The following STK10 variants were observed in gnomAD, a reference collection of about 807,000 sequenced individuals.
STK10 encodes serine/threonine kinase 10.
Under a neutral mutation model 113.8 loss-of-function variants are expected in STK10, and 78 were observed. The observed-to-expected ratio is 0.69, with a 90% CI of 0.57 to 0.83. The LOEUF (loss-of-function observed/expected upper bound fraction) is 0.83, where lower values mean the gene tolerates loss of function less well. Ranked by LOEUF, STK10 falls within the 40% of genes least tolerant of loss-of-function variation. The probability of loss-of-function intolerance (pLI) is 0.00; values close to 1 mark genes in which losing one functional copy is unlikely to be tolerated. For missense variants in STK10, 1,109 were observed against 1,280.1 expected (o/e 0.87, Z 2.04); for synonymous variants, 465 against 494.7 (o/e 0.94, Z 0.80).
chr5:172,077,184 A>ACTC (rs1768327779), intron 12 of STK10, among the ~76,000 whole-genome samples: 1 of 152,230 alleles, frequency 6.6e-6, no homozygotes, highest in African/African-American at 2.4e-5. Context: ...TCTTCAGAAA[A>ACTC]GTTACTGAAC....
chr5:172,070,082 T>C (rs773382400), intron 12 of STK10, among the ~76,000 whole-genome samples: 2 of 152,018 alleles, frequency 1.3e-5, no homozygotes, highest in Non-Finnish European at 2.9e-5. Context: ...ACCCTGTCTC[T>C]ACTAAAAATA....
chr5:172,164,730 G>A (rs928895328), intron 1 of STK10, among the ~76,000 whole-genome samples: 3 of 152,174 alleles, frequency 2.0e-5, no homozygotes, highest in African/African-American at 7.2e-5. Flanking sequence ...GGTGAGTCTT[G>A]GAAAGCTAAG....
chr5:172,058,749 G>A (rs2113699005), intron 14 of STK10, among the ~76,000 whole-genome samples: 1 of 152,182 alleles, frequency 6.6e-6, no homozygotes, highest in African/African-American at 2.4e-5. Flanking sequence ...AATCAGCTGG[G>A]TGTGGTGGTG....
chr5:172,058,875 G>A (rs535316351), intron 14 of STK10, among the ~76,000 whole-genome samples: 1 of 152,130 alleles, frequency 6.6e-6, no homozygotes, highest in Admixed American at 6.6e-5. Context: ...GAGTGACAGA[G>A]TAAGACTTGG....
At chr5:172,128,799 C>T (rs898384051) in intron 2 of STK10, among the ~76,000 whole-genome samples, 4 of 152,190 alleles carry the variant, frequency 2.6e-5, no homozygotes, top group Non-Finnish European at 4.4e-5. Flanking sequence ...GTCAAGAAGA[C>T]CCACGCTGTC....
chr5:172,129,066 G>T (rs1202740773), intron 2 of STK10, among the ~76,000 whole-genome samples: 1 of 152,230 alleles, frequency 6.6e-6, no homozygotes, highest in Non-Finnish European at 1.5e-5. Context: ...CCTTGGACAG[G>T]TCACTTCCGT....
At chr5:172,053,524 T>C (rs1767678009) in intron 17 of STK10, among the ~76,000 whole-genome samples, 1 of 152,260 alleles carries the variant, frequency 6.6e-6, no homozygotes, top group Non-Finnish European at 1.5e-5. Flanking sequence ...TGAGGGTCAC[T>C]GACATGGGTG....
intron 2 of STK10, among the ~76,000 whole-genome samples, chr5:172,127,673 G>A (rs780082645): frequency 2.6e-4 from 39 of 152,128 alleles, no homozygotes; most frequent in East Asian, 1.5e-3. Context: ...AAGTTGCTAC[G>A]AAGACCTGAA....
chr5:172,117,739 G>C, intron 3 of STK10, 109 bp from the exon 4 acceptor site: 1 of 1,469,018 alleles, frequency 6.8e-7, no homozygotes, highest in Non-Finnish European at 9.2e-7. Flanking sequence ...ATTAGGCCAG[G>C]CGTGGTGGCT....
chr5:172,057,004 G>GTAAGAGAAA (rs1554115578), intron 15 of STK10: 1 of 73,394 alleles, frequency 1.4e-5, no homozygotes, highest in Non-Finnish European at 2.8e-5. Flanking sequence ...AGAGAAAGAA[G>GTAAGAGAAA]GAAAGAAAGA....
chr5:172,105,536 G>T, intron 7 of STK10, 120 bp downstream of exon 7: 2 of 1,089,458 alleles, frequency 1.8e-6, no homozygotes, highest in Non-Finnish European at 1.4e-6. Flanking sequence ...CCCGCTGATG[G>T]ACAAACAGCT....
chr5:172,064,109 G>C (rs1264638848), intron 13 of STK10, among the ~76,000 whole-genome samples: 3 of 152,134 alleles, frequency 2.0e-5, no homozygotes, highest in African/African-American at 7.2e-5. Flanking sequence ...CAGGAGAGAA[G>C]AAACTGCAGG....
At chr5:172,113,859 G>C (rs941525350) in intron 4 of STK10, among the ~76,000 whole-genome samples, 1 of 151,512 alleles carries the variant, frequency 6.6e-6, no homozygotes, top group African/African-American at 2.4e-5. Flanking sequence ...GTTGTGGAGA[G>C]CTAAGATCGT....
intron 2 of STK10, among the ~76,000 whole-genome samples, chr5:172,155,048 A>G (rs1770320042): frequency 6.9e-6 from 1 of 145,046 alleles, no homozygotes; most frequent in South Asian, 2.3e-4. Context: ...TAATGGGTAC[A>G]TAGTCAGCAG....
intron 2 of STK10, among the ~76,000 whole-genome samples, chr5:172,131,366 A>G (rs1769754002): frequency 6.6e-6 from 1 of 152,142 alleles, no homozygotes; most frequent in African/African-American, 2.4e-5. Context: ...TCAGTATGAG[A>G]AGTGACCAAA....
chr5:172,077,965 G>C (rs753005404), intron 12 of STK10, among the ~76,000 whole-genome samples: 8 of 150,864 alleles, frequency 5.3e-5, no homozygotes, highest in Admixed American at 1.3e-4. Context: ...TGCATCTGTA[G>C]GTAGTTCAGA....
chr5:172,126,178 G>A (rs918752296), intron 3 of STK10, among the ~76,000 whole-genome samples: 2 of 152,214 alleles, frequency 1.3e-5, no homozygotes, highest in Non-Finnish European at 1.5e-5. Context: ...GGATGCTGCA[G>A]GATGGGCCAT....
chr5:172,149,037 C>T (rs572294809), intron 2 of STK10, among the ~76,000 whole-genome samples: 2 of 152,270 alleles, frequency 1.3e-5, no homozygotes, highest in South Asian at 2.1e-4. Context: ...TGTGGTGGCA[C>T]ATGCTTGTAA....
rs572212011 is a variant in STK10 at position 172,057,249 on chromosome 5, C to T, written c.2337+100G>A. On this transcript the variant is annotated intron_variant, in intron 15 of 18. Transcript: ENST00000176763. Reference sequence around the variant, plus strand: ...GCTCCTCTTGGGGGCACTTGTCATCCAAAGTGTGCACCCAAGAGGTGCCCC... The same window carrying T: ...GCTCCTCTTGGGGGCACTTGTCATCTAAAGTGTGCACCCAAGAGGTGCCCC... 1.2e-4 allele frequency: 183 copies of T among 1,500,574 alleles called. 1 individual carries two copies. The East Asian group carries it at 2.5e-3, about 20-fold the overall frequency. The allele number at this position is 1,500,574 out of a possible 1,614,324, so 93.0% of individuals were successfully genotyped here.
Sources: gnomAD v4.1 joint callset for allele counts (sites outside exome capture counted in the v4.1 genomes callset) on GRCh38, gnomAD v4.1.1 for gene constraint, MANE v1.5 for transcripts, NCBI Gene and HGNC (gene_info 2026-07-23, HGNC 2026-07-21) for gene names.